MIGA1: variants seen among roughly 807,000 people sequenced by gnomAD.
MIGA1 encodes the protein mitoguardin 1.
A neutral mutation model predicts 82.0 loss-of-function variants in MIGA1; 58 were observed. That is an observed-to-expected ratio of 0.71 (90% CI 0.57 to 0.88). The LOEUF (loss-of-function observed/expected upper bound fraction) is 0.88, where lower values mean the gene tolerates loss of function less well. Ranked by LOEUF, MIGA1 falls within the 40% of genes least tolerant of loss-of-function variation. The pLI, the probability that MIGA1 is intolerant of heterozygous loss-of-function variation, is 0.00. For missense variants in MIGA1, 751 were observed against 749.1 expected, an observed-to-expected ratio of 1.00 and a Z score of -0.03; for synonymous variants, 249 against 253.6, an observed-to-expected ratio of 0.98 and a Z score of 0.17.
intron 8 of MIGA1, chr1:77,848,746 G>T: frequency 6.9e-7 from 1 of 1,457,268 alleles, no homozygotes; most frequent in Non-Finnish European, 9.6e-7. Context: ...CAGGTACTTG[G>T]CCAGGCAGAT....
At chr1:77,799,475 A>G (rs150145074) in intron 2 of MIGA1, among the ~76,000 whole-genome samples, 101 of 152,316 alleles carry the variant, frequency 6.6e-4, no homozygotes, top group African/African-American at 2.4e-3. Flanking sequence ...TTTATTGGCT[A>G]TAACCCCATT....
At chr1:77,808,046 C>A (rs1683171186) in intron 5 of MIGA1, among the ~76,000 whole-genome samples, 1 of 151,852 alleles carries the variant, frequency 6.6e-6, no homozygotes, top group African/African-American at 2.4e-5. Context: ...TCTTGAACTC[C>A]TGAGCTCAGT....
intron 8 of MIGA1, chr1:77,848,575 G>T (rs1684929380): frequency 2.2e-6 from 3 of 1,362,348 alleles, no homozygotes; most frequent in Non-Finnish European, 3.1e-6. Context: ...AAAAGACAAA[G>T]AAGGAAACCA....
Position 77,859,037 on chromosome 1 carries a change from A to G in MIGA1, c.1096A>G (p.Ile366Val), listed in dbSNP as rs748413181. The G allele has an allele frequency of 6.2e-7, 1 of 1,608,074 alleles. No individual in the cohort carries two copies. Among genetic ancestry groups the G allele is most frequent in the Non-Finnish European group, 8.5e-7 (1 of 1,174,536 alleles). Residue 366 changes from isoleucine (I) to valine (V), a missense_variant, in exon 9 of 16, where the codon ATT (isoleucine) becomes GTT (valine). Physicochemically the swap from Ile to Val is conservative, Grantham distance 29. Coordinates refer to ENST00000370791, the MANE Select transcript of MIGA1 (RefSeq NM_198549.4). Reference sequence around the variant, plus strand: ...CATGCATTTAGTTGAAGAAGGAAAAATTTACTCCAGAGTACTGAGGTACCA... The same window carrying G: ...CATGCATTTAGTTGAAGAAGGAAAAGTTTACTCCAGAGTACTGAGGTACCA...
intron 2 of MIGA1, among the ~76,000 whole-genome samples, chr1:77,799,770 C>CT (rs1213690444): frequency 4.1e-5 from 6 of 147,692 alleles, no homozygotes; most frequent in Non-Finnish European, 9.0e-5. Context: ...GACTCCTCCT[C>CT]TTTTTTTTCT....
intron 14 of MIGA1, among the ~76,000 whole-genome samples, chr1:77,870,085 G>C (rs1289716691): frequency 2.6e-5 from 3 of 113,722 alleles, no homozygotes; most frequent in African/African-American, 9.8e-5. Context: ...CTGGCCGGGC[G>C]GGGGGCTGAC....
intron 2 of MIGA1, among the ~76,000 whole-genome samples, chr1:77,789,645 C>T (rs970498596): frequency 6.6e-6 from 1 of 152,002 alleles, no homozygotes; most frequent in African/African-American, 2.4e-5. Flanking sequence ...ATGTTTTAAA[C>T]CATTGCATTT....
chr1:77,779,849 G>T (rs2101663537), intron 1 of MIGA1, 113 bp downstream of exon 1: 2 of 1,433,550 alleles, frequency 1.4e-6, no homozygotes, highest in East Asian at 2.6e-5. Flanking sequence ...GGACTCCATC[G>T]CTGGCGTTAG....
In MIGA1 at chr1:77,874,992, G is replaced by T; in HGVS notation, c.1827G>T (p.Arg609Ser). ...CCTATCTTGAAGCAGATGCCCTGAG[G>T]CATACAAGTAGTTGTCTAAGCAGTC... Residue 609 changes from arginine to serine, a missense_variant, in exon 16 of 16, where the codon AGG (arginine) becomes AGT (serine). Physicochemically the swap from Arg to Ser is moderately radical, Grantham distance 110. This residue lies in a region of MIGA1 where 265 missense variants were observed against 293.6 expected (regional missense o/e 0.90). Transcript: ENST00000370791. The T allele has an allele frequency of 6.2e-7, 1 of 1,614,156 alleles. No individual in the cohort carries two copies. The highest frequency in any genetic ancestry group is 8.5e-7 in the Non-Finnish European group (1 of 1,180,028).
At chr1:77,795,960 A>G (rs1173627564) in intron 2 of MIGA1, among the ~76,000 whole-genome samples, 1 of 151,876 alleles carries the variant, frequency 6.6e-6, no homozygotes, top group Non-Finnish European at 1.5e-5. Flanking sequence ...TAGCATTCCT[A>G]GTTGGATCAT....
At chr1:77,821,624 C>T (rs1683812576) in intron 7 of MIGA1, among the ~76,000 whole-genome samples, 1 of 152,038 alleles carries the variant, frequency 6.6e-6, no homozygotes, top group Non-Finnish European at 1.5e-5. Context: ...TGAGCTCCCA[C>T]CTCAGGTGAT....
chr1:77,818,044 C>T (rs1203624435), intron 7 of MIGA1, among the ~76,000 whole-genome samples: 1 of 150,366 alleles, frequency 6.7e-6, no homozygotes, highest in East Asian at 2.0e-4. Flanking sequence ...CAGCCTCTGC[C>T]TCCTGGACTC....
chr1:77,813,719 G>A lies in MIGA1; in HGVS notation c.638-15G>A. The A allele has an allele frequency of 1.2e-6, 2 of 1,612,492 alleles. No homozygotes were observed. Among genetic ancestry groups the A allele is most frequent in the South Asian group, 1.1e-5 (1 of 90,836 alleles). On this transcript the variant is annotated splice_polypyrimidine_tract_variant and intron_variant, in intron 5 of 15. Coordinates refer to ENST00000370791, the MANE Select transcript of MIGA1 (RefSeq NM_198549.4). ...GATTTTGCTCAGTTAAAATTGTTCT[G>A]TTCTTAATTTTTAGGTATGGAATTG...
chr1:77,853,003 T>C (rs1685112878), intron 8 of MIGA1, among the ~76,000 whole-genome samples: 1 of 152,166 alleles, frequency 6.6e-6, no homozygotes, highest in Non-Finnish European at 1.5e-5. Context: ...ATGTGAATAA[T>C]AGTACTTACT....
At chr1:77,851,296 G>GT (rs1246405618) in intron 8 of MIGA1, among the ~76,000 whole-genome samples, 7 of 151,882 alleles carry the variant, frequency 4.6e-5, no homozygotes, top group Admixed American at 2.0e-4. Context: ...ATTAAAATGA[G>GT]TTTTTTTTAA....
rs779717577 is a variant in MIGA1 at position 77,843,289 on chromosome 1, T to C, written c.896-18T>C. 37 of 1,570,774 alleles carry C rather than the reference T, an allele frequency of 2.4e-5. No individual in the cohort carries two copies. Among genetic ancestry groups the C allele is most frequent in the Non-Finnish European group, 3.1e-5 (35 of 1,141,228 alleles). ...TGTGGAATATCACTTTCTGAACTTT[T>C]CACCTTTTACTTTTAAGATAAAGAT... On this transcript the variant is annotated intron_variant, in intron 7 of 15. Coordinates refer to ENST00000370791, the MANE Select transcript of MIGA1 (RefSeq NM_198549.4).
intron 15 of MIGA1, among the ~76,000 whole-genome samples, chr1:77,874,266 A>G (rs1016623718): frequency 1.3e-5 from 2 of 152,182 alleles, no homozygotes; most frequent in African/African-American, 4.8e-5. Context: ...AACTTACTGA[A>G]ATGAAATATC....
intron 7 of MIGA1, among the ~76,000 whole-genome samples, chr1:77,822,664 G>T (rs931749370): frequency 1.3e-5 from 2 of 151,978 alleles, no homozygotes; most frequent in African/African-American, 4.8e-5. Context: ...TAATGTGTCA[G>T]ATTTTATTTA....
intron 8 of MIGA1, among the ~76,000 whole-genome samples, chr1:77,855,457 A>T (rs1202479196): frequency 6.6e-6 from 1 of 152,072 alleles, no homozygotes; most frequent in Non-Finnish European, 1.5e-5. Context: ...TGGGGATTGC[A>T]TTGAATTTGT....
Sources: allele counts gnomAD v4.1 joint callset (sites outside exome capture counted in the v4.1 genomes callset), GRCh38; gene constraint gnomAD v4.1.1; regional missense constraint gnomAD v4.1.1; transcripts MANE v1.5; gene names NCBI Gene and HGNC (gene_info 2026-07-23, HGNC 2026-07-21).